PPHLN1: variants seen among roughly 807,000 people sequenced by gnomAD.
PPHLN1 encodes periphilin-1.
A neutral mutation model predicts 51.3 loss-of-function variants in PPHLN1; 29 were observed. That is an observed-to-expected ratio of 0.57 (90% CI 0.42 to 0.77). The LOEUF (loss-of-function observed/expected upper bound fraction) is 0.77. Among genes scored for constraint, PPHLN1 ranks in the 30% least tolerant of loss-of-function variants. The pLI, the probability that PPHLN1 is intolerant of heterozygous loss-of-function variation, is 0.00. For synonymous variants in PPHLN1, 147 were observed against 147.8 expected (o/e 0.99, Z 0.04); for missense variants, 436 against 438.4 (o/e 0.99, Z 0.05).
intron 2 of PPHLN1, 58 bp downstream of exon 2, chr12:42,336,032 A>G (rs1441590390): frequency 9.2e-6 from 11 of 1,198,622 alleles, no homozygotes; most frequent in Non-Finnish European, 1.3e-5. Context: ...TTAATTTGAT[A>G]CACCAAAGCT....
chr12:42,429,386 T>C (rs542708015), intron 9 of PPHLN1, among the ~76,000 whole-genome samples: 1 of 152,360 alleles, frequency 6.6e-6, no homozygotes, highest in East Asian at 1.9e-4. Flanking sequence ...TACCTGCTCA[T>C]GTCTAGCTCC....
intron 8 of PPHLN1, among the ~76,000 whole-genome samples, chr12:42,397,037 C>A (rs1278259698): frequency 2.9e-3 from 370 of 128,770 alleles, no homozygotes; most frequent in South Asian, 3.1e-3. Context: ...GACCTAGTCT[C>A]AAAAAAAAAA....
At chr12:42,386,697 T>A (rs1162119903) in intron 6 of PPHLN1, among the ~76,000 whole-genome samples, 1 of 152,246 alleles carries the variant, frequency 6.6e-6, no homozygotes, top group Non-Finnish European at 1.5e-5. Context: ...AATGAAATGT[T>A]TTTCTGTAAC....
At chr12:42,398,762 A>G (rs967466532) in intron 8 of PPHLN1, 92 bp from the exon 9 acceptor site, 21 of 1,098,552 alleles carry the variant, frequency 1.9e-5, no homozygotes, top group Non-Finnish European at 2.4e-5. Flanking sequence ...CTAGCACTTA[A>G]TATAATTTGC....
chr12:42,425,076 A>G (rs1176621588), intron 9 of PPHLN1, among the ~76,000 whole-genome samples: 2 of 151,292 alleles, frequency 1.3e-5, no homozygotes, highest in African/African-American at 4.9e-5. Context: ...GTATGTATGT[A>G]TGTATGTACT....
At chr12:42,431,910 C>T in intron 9 of PPHLN1, 2 of 1,586,616 alleles carry the variant, frequency 1.3e-6, no homozygotes, top group African/African-American at 1.3e-5. Flanking sequence ...CTTCATCAGT[C>T]CTTCGTCTAC....
At chr12:42,374,345 G>A (rs556634770) in intron 4 of PPHLN1, among the ~76,000 whole-genome samples, 1 of 152,140 alleles carries the variant, frequency 6.6e-6, no homozygotes, top group Admixed American at 6.5e-5. Context: ...ACTGAAAAAG[G>A]GTACATTCTA....
At chr12:42,428,434 A>G (rs1421778229) in intron 9 of PPHLN1, among the ~76,000 whole-genome samples, 1 of 152,234 alleles carries the variant, frequency 6.6e-6, no homozygotes, top group East Asian at 1.9e-4. Flanking sequence ...CTTAGCCATA[A>G]AAAGGAACAA....
chr12:42,417,605 A>T (rs117009850), intron 9 of PPHLN1, among the ~76,000 whole-genome samples: 1 of 152,316 alleles, frequency 6.6e-6, no homozygotes, highest in Non-Finnish European at 1.5e-5. Flanking sequence ...GTAAGCGTAG[A>T]AAGGCAAACC....
intron 8 of PPHLN1, among the ~76,000 whole-genome samples, chr12:42,396,665 G>A (rs1350735856): frequency 7.1e-6 from 1 of 141,374 alleles, no homozygotes; most frequent in Non-Finnish European, 1.5e-5. Flanking sequence ...TGTGGTGGCC[G>A]CTTAGTCCCA....
chr12:42,389,371 C>A (rs1357380213), intron 7 of PPHLN1, among the ~76,000 whole-genome samples: 3 of 144,496 alleles, frequency 2.1e-5, no homozygotes, highest in African/African-American at 5.2e-5. Context: ...GACTCCGTCT[C>A]AAAACAAAAA....
At chr12:42,418,533 C>G (rs2080680488) in intron 9 of PPHLN1, among the ~76,000 whole-genome samples, 2 of 152,098 alleles carry the variant, frequency 1.3e-5, no homozygotes, top group South Asian at 4.1e-4. Context: ...AAATTTCTTT[C>G]ATGTTACCCT....
chr12:42,380,919 T>C (rs142768278), intron 5 of PPHLN1, among the ~76,000 whole-genome samples: 52 of 152,300 alleles, frequency 3.4e-4, no homozygotes, highest in African/African-American at 1.1e-3. Flanking sequence ...ATAAATTGTT[T>C]GCCAAGCGAG....
intron 9 of PPHLN1, among the ~76,000 whole-genome samples, chr12:42,406,408 T>G (rs2079313510): frequency 6.6e-6 from 1 of 152,170 alleles, no homozygotes; most frequent in African/African-American, 2.4e-5. Context: ...ACAAATAGAA[T>G]CATATGGAAT....
intron 6 of PPHLN1, among the ~76,000 whole-genome samples, chr12:42,385,199 A>G (rs1463569923): frequency 6.6e-6 from 1 of 152,198 alleles, no homozygotes; most frequent in Non-Finnish European, 1.5e-5. Flanking sequence ...GGGAATAGCC[A>G]TTCTGTAGGA....
At chr12:42,417,686 A>C (rs2080520252) in intron 9 of PPHLN1, among the ~76,000 whole-genome samples, 1 of 150,178 alleles carries the variant, frequency 6.7e-6, no homozygotes, top group Non-Finnish European at 1.5e-5. Flanking sequence ...CCCCCTGATA[A>C]GGTGGTGAAG....
At position 42,405,218 on chromosome 12, in the gene PPHLN1, G is replaced by A. The variant is rs527761840; in HGVS notation, c.909+6224G>A. Among the ~76,000 whole-genome samples the A allele has an allele frequency of 2.6e-5, 4 of 152,174 alleles. No homozygotes were observed. In the East Asian group the frequency reaches 5.8e-4, roughly 22 times the overall value. On this transcript the variant is annotated intron_variant, in intron 9 of 9. Coordinates refer to ENST00000358314, the MANE Select transcript of PPHLN1 (RefSeq NM_201439.2). ...CCGTCCTTTTCCTAAAGCATAAGTT[G>A]TTCTCATACTTTCCCCTTCATCTGT...
intron 9 of PPHLN1, among the ~76,000 whole-genome samples, chr12:42,424,321 A>C (rs2081246028): frequency 6.6e-6 from 1 of 152,228 alleles, no homozygotes; most frequent in African/African-American, 2.4e-5. Flanking sequence ...GTAACAGGAC[A>C]GAAACCAAAT....
intron 9 of PPHLN1, among the ~76,000 whole-genome samples, chr12:42,410,536 G>A (rs2079718857): frequency 6.6e-6 from 1 of 152,136 alleles, no homozygotes; most frequent in South Asian, 2.1e-4. Flanking sequence ...CTTGCATATC[G>A]TAGACTTGCT....
Sources: allele counts gnomAD v4.1 joint callset (sites outside exome capture counted in the v4.1 genomes callset), GRCh38; gene constraint gnomAD v4.1.1; transcripts MANE v1.5; gene names NCBI Gene and HGNC (gene_info 2026-07-23, HGNC 2026-07-21).